The following TENM2 variants were observed in gnomAD, a reference collection of about 807,000 sequenced individuals.
The protein encoded by TENM2 is teneurin-2.
TENM2 carries 52 observed loss-of-function variants against 245.2 expected under a neutral mutation model. The observed-to-expected ratio is 0.21, with a 90% CI of 0.17 to 0.27. The LOEUF (loss-of-function observed/expected upper bound fraction) is 0.27. Ranked by LOEUF, TENM2 falls within the 10% of genes least tolerant of loss-of-function variation. TENM2 has a pLI of 1.00. For synonymous variants in TENM2, 1,363 were observed against 1,438.9 expected, an observed-to-expected ratio of 0.95 and a Z score of 1.19; for missense variants, 3,046 against 3,666.8, an observed-to-expected ratio of 0.83 and a Z score of 4.37.
chr5:167,484,165 T>C lies in TENM2; in HGVS notation c.502+108692T>C, dbSNP rs1161416390. 4.6e-5 allele frequency among the ~76,000 whole-genome samples: 7 copies of C among 152,090 alleles called. No individual in the cohort carries two copies. In the East Asian group the frequency reaches 1.4e-3, roughly 29 times the overall value. On this transcript the variant is annotated intron_variant, in intron 2 of 28. Coordinates refer to ENST00000518659, the Ensembl canonical transcript of TENM2. ...TTCGAGACCAGCCTGACCAATATGG[T>C]GAAACCCTGTCTCTACTAAAAATAC...
At chr5:167,386,342 A>C (rs1401009118) in intron 2 of TENM2, among the ~76,000 whole-genome samples, 1 of 151,720 alleles carries the variant, frequency 6.6e-6, no homozygotes, top group Non-Finnish European at 1.5e-5. Flanking sequence ...TCTTGTCCTT[A>C]GCTTACTTTT....
intron 5 of TENM2, among the ~76,000 whole-genome samples, chr5:168,037,142 A>G (rs1787781311): frequency 1.3e-5 from 2 of 152,186 alleles, no homozygotes; most frequent in South Asian, 4.1e-4. Context: ...TGCAAGAGAG[A>G]TCAAATCCAA....
chr5:168,151,139 T>G (rs192121655), intron 12 of TENM2, among the ~76,000 whole-genome samples: 19 of 152,306 alleles, frequency 1.2e-4, no homozygotes, highest in Admixed American at 1.2e-3. Flanking sequence ...TGGTTGAGAT[T>G]TCTATGCCCT....
the TENM2 span, among the ~76,000 whole-genome samples, chr5:167,205,758 T>C: frequency 1.3e-5 from 2 of 152,190 alleles, no homozygotes; most frequent in Admixed American, 1.3e-4. Context: ...CTCCCAAGAC[T>C]GAAATCAAGG....
chr5:167,137,378 C>T, the TENM2 span, among the ~76,000 whole-genome samples: 1 of 152,022 alleles, frequency 6.6e-6, no homozygotes, highest in Non-Finnish European at 1.5e-5. Context: ...AATTTTATAT[C>T]AGCACTGCAT....
rs1187402246 is a variant in TENM2 at position 167,328,210 on chromosome 5, T to C, written c.226+43147T>C. ...TTCGATAGTTTCTCATATCGTTTTT[T>C]TTTTTTTTTTTTTTTTTGATGGATT... On this transcript the variant is annotated intron_variant, in intron 1 of 28. Transcript: ENST00000518659. 6.1e-4 allele frequency among the ~76,000 whole-genome samples: 86 copies of C among 141,028 alleles called. No individual in the cohort carries two copies. In the East Asian group the frequency reaches 0.022, roughly 36 times the overall value. The allele number at this position is 141,028 out of a possible 152,430, so 92.5% of individuals were successfully genotyped here. A position where few individuals can be genotyped will look rare whatever the true frequency, so the allele number is the denominator to read the frequency against.
At chr5:168,260,971 T>C (rs1768131904) in intron 28 of TENM2, among the ~76,000 whole-genome samples, 1 of 152,186 alleles carries the variant, frequency 6.6e-6, no homozygotes, top group Admixed American at 6.5e-5. Flanking sequence ...GGCGTTCAGA[T>C]AACCCCTGCT....
chr5:167,983,104 C>G (rs1328086000), intron 4 of TENM2, among the ~76,000 whole-genome samples: 1 of 151,912 alleles, frequency 6.6e-6, no homozygotes, highest in Non-Finnish European at 1.5e-5. Flanking sequence ...GTTTTTCTTC[C>G]CCTACTATAT....
chr5:167,276,581 T>A, the TENM2 span, among the ~76,000 whole-genome samples: 1 of 152,074 alleles, frequency 6.6e-6, no homozygotes, highest in Non-Finnish European at 1.5e-5. Context: ...GTAGTACAAT[T>A]ACCTCTCAGC....
At chr5:167,493,096 C>A (rs1009039308) in intron 2 of TENM2, among the ~76,000 whole-genome samples, 1 of 151,916 alleles carries the variant, frequency 6.6e-6, no homozygotes, top group Non-Finnish European at 1.5e-5. Context: ...GATTTTTTTA[C>A]CCTGATAGGT....
At position 167,644,561 on chromosome 5, in the gene TENM2, T is replaced by A. The variant is rs1252220584; in HGVS notation, c.503-231425T>A. Among the ~76,000 whole-genome samples the A allele has an allele frequency of 3.9e-5, 6 of 152,226 alleles. 1 individual carries two copies. Among genetic ancestry groups the A allele is most frequent in the Non-Finnish European group, 8.8e-5 (6 of 68,046 alleles). On this transcript the variant is annotated intron_variant, in intron 2 of 28. Transcript: ENST00000518659. ...GTAGCTACTATTTTGTATCAGGCAC[T>A]CTGCTACAGACATTACGAGGCTGGA...
At chr5:168,116,098 T>C (rs966710383) in intron 9 of TENM2, among the ~76,000 whole-genome samples, 4 of 152,176 alleles carry the variant, frequency 2.6e-5, no homozygotes, top group African/African-American at 7.2e-5. Context: ...TAATTCTTAA[T>C]TGGGCACCCT....
intron 1 of TENM2, among the ~76,000 whole-genome samples, chr5:167,299,496 C>G (rs1336155155): frequency 6.6e-6 from 1 of 151,996 alleles, no homozygotes; most frequent in Non-Finnish European, 1.5e-5. Flanking sequence ...GGGAGGGGGC[C>G]TGAATAATCC....
At chr5:167,565,343 C>T (rs1773844046) in intron 2 of TENM2, among the ~76,000 whole-genome samples, 3 of 152,202 alleles carry the variant, frequency 2.0e-5, no homozygotes, top group Non-Finnish European at 2.9e-5. Context: ...GCCGTGACTA[C>T]ACAGCACCCT....
At chr5:167,129,534 C>G in the TENM2 span, among the ~76,000 whole-genome samples, 1 of 152,190 alleles carries the variant, frequency 6.6e-6, no homozygotes, top group African/African-American at 2.4e-5. Context: ...TCTTCAGGCT[C>G]TGGCCTGAAA....
intron 2 of TENM2, among the ~76,000 whole-genome samples, chr5:167,872,540 GA>G (rs774027523): frequency 2.0e-5 from 1 of 49,850 alleles, no homozygotes; most frequent in Non-Finnish European, 5.7e-5. Context: ...AAGAAAGAAA[GA>G]AAGAAAGAGA....
chr5:167,299,265 A>G (rs1222328859), intron 1 of TENM2, among the ~76,000 whole-genome samples: 4 of 152,212 alleles, frequency 2.6e-5, no homozygotes, highest in Admixed American at 1.3e-4. Context: ...AACAGACTGT[A>G]TAGAGGTGGG....
At chr5:167,071,081 CG>C in the TENM2 span, among the ~76,000 whole-genome samples, 1 of 152,050 alleles carries the variant, frequency 6.6e-6, no homozygotes, top group African/African-American at 2.4e-5. Flanking sequence ...AGTTAGTCGG[CG>C]GGAAGGCACG....
chr5:167,819,737 C>T (rs904182586), intron 2 of TENM2, among the ~76,000 whole-genome samples: 1 of 152,136 alleles, frequency 6.6e-6, no homozygotes, highest in Non-Finnish European at 1.5e-5. Flanking sequence ...AGGGAAATGG[C>T]GGACTGCAAC....
Sources: gnomAD v4.1 joint callset for allele counts (sites outside exome capture counted in the v4.1 genomes callset) on GRCh38, gnomAD v4.1.1 for gene constraint, MANE v1.5 for transcripts, NCBI Gene and HGNC (gene_info 2026-07-23, HGNC 2026-07-21) for gene names.